The following AUTS2 variants were observed in gnomAD, a reference collection of about 807,000 sequenced individuals.
AUTS2 encodes the protein activator of transcription and developmental regulator AUTS2, also known as autism susceptibility gene 2 protein.
In AUTS2, 17 loss-of-function variants were observed where a neutral mutation model predicts 112.4. The ratio of observed to expected loss-of-function variants is 0.15; its 90% CI spans 0.10 to 0.23. The LOEUF (loss-of-function observed/expected upper bound fraction) is 0.23, where lower values mean the gene tolerates loss of function less well. Among genes scored for constraint, AUTS2 ranks in the 10% least tolerant of loss-of-function variants. The pLI is 1.00. For synonymous variants in AUTS2, 751 were observed against 702.7 expected, an observed-to-expected ratio of 1.07 and a Z score of -1.09; for missense variants, 1,510 against 1,701.6, an observed-to-expected ratio of 0.89 and a Z score of 1.98.
chr7:70,174,875 A>G (rs1050562081), intron 4 of AUTS2, among the ~76,000 whole-genome samples: 2 of 152,212 alleles, frequency 1.3e-5, no homozygotes, highest in African/African-American at 4.8e-5. Flanking sequence ...GGAGTTGTAC[A>G]AGGAGATAAA....
chr7:70,158,986 A>G (rs1807935939), intron 4 of AUTS2, among the ~76,000 whole-genome samples: 1 of 152,182 alleles, frequency 6.6e-6, no homozygotes, highest in African/African-American at 2.4e-5. Flanking sequence ...ACCACAGCAT[A>G]CTTTCAGGAA....
At chr7:69,644,073 TC>T (rs1214951441) in intron 1 of AUTS2, among the ~76,000 whole-genome samples, 1 of 152,222 alleles carries the variant, frequency 6.6e-6, no homozygotes, top group East Asian at 1.9e-4. Flanking sequence ...ATCTTGGATT[TC>T]CAGCCTCCAG....
intron 2 of AUTS2, among the ~76,000 whole-genome samples, chr7:70,079,584 C>G (rs1247509510): frequency 6.6e-6 from 1 of 151,970 alleles, no homozygotes; most frequent in Non-Finnish European, 1.5e-5. Flanking sequence ...AAATTCATCA[C>G]TTCCTTATTA....
chr7:70,057,021 T>C (rs1413575947), intron 2 of AUTS2, among the ~76,000 whole-genome samples: 1 of 152,244 alleles, frequency 6.6e-6, no homozygotes, highest in Non-Finnish European at 1.5e-5. Context: ...TCGTTCCTGT[T>C]TCAAATGCCT....
intron 2 of AUTS2, among the ~76,000 whole-genome samples, chr7:69,910,902 A>AGGCGTGAGCCACTGCACCTGGCCT (rs1237728194): frequency 3.9e-5 from 6 of 152,222 alleles, no homozygotes; most frequent in African/African-American, 1.4e-4. Flanking sequence ...CTGGGATTAC[A>AGGCGTGAGCCACTGCACCTGGCCT]GGCGTGAGCC....
At chr7:69,654,396 G>A (rs921986390) in intron 1 of AUTS2, among the ~76,000 whole-genome samples, 2 of 152,150 alleles carry the variant, frequency 1.3e-5, no homozygotes. Context: ...ACCTTCACAG[G>A]GAGCAGTAAT....
chr7:70,578,468 T>TA (rs1479724475), intron 5 of AUTS2, among the ~76,000 whole-genome samples: 3 of 152,264 alleles, frequency 2.0e-5, no homozygotes, highest in African/African-American at 7.2e-5. Context: ...GAGGTGGCAC[T>TA]AGAAATCACG....
intron 5 of AUTS2, among the ~76,000 whole-genome samples, chr7:70,471,718 A>C (rs1382721212): frequency 6.6e-6 from 1 of 152,064 alleles, no homozygotes; most frequent in African/African-American, 2.4e-5. Context: ...CAGGGAGGGA[A>C]ATACAGTGGG....
intron 5 of AUTS2, among the ~76,000 whole-genome samples, chr7:70,611,652 C>T (rs1168423643): frequency 6.6e-6 from 1 of 152,170 alleles, no homozygotes; most frequent in Non-Finnish European, 1.5e-5. Context: ...ATTTGGAAGC[C>T]GCTTCTTATA....
intron 5 of AUTS2, among the ~76,000 whole-genome samples, chr7:70,554,739 CAG>C (rs1317656742): frequency 1.3e-5 from 2 of 152,154 alleles, no homozygotes; most frequent in Non-Finnish European, 2.9e-5. Flanking sequence ...GGGGGGCAGT[CAG>C]GGGCTATACA....
intron 6 of AUTS2, among the ~76,000 whole-genome samples, chr7:70,737,173 C>T (rs1787823388): frequency 6.6e-6 from 1 of 152,216 alleles, no homozygotes. Flanking sequence ...TGAAAGTAGA[C>T]AGATTTGGGT....
rs554567009 is a variant in AUTS2, at chr7:69,882,081, C to T, written c.310-17205C>T. 5.8e-5 allele frequency among the ~76,000 whole-genome samples: 8 copies of T among 138,748 alleles called. No homozygotes were observed. The South Asian group carries it at 9.1e-4, about 16-fold the overall frequency. The allele number at this position is 138,748 out of a possible 152,430, so 91.0% of individuals were successfully genotyped here. On this transcript the variant is annotated intron_variant, in intron 1 of 18. Transcript: ENST00000342771. ...AGGAGAATCGCTTGAAACTGGGAGA[C>T]GGAAGTTGTAGTGAGCTGAAATCAG...
At chr7:69,691,023 A>G (rs626862) in intron 1 of AUTS2, among the ~76,000 whole-genome samples, 21,761 of 152,186 alleles carry the variant, frequency 0.14, 1,656 homozygotes, top group Non-Finnish European at 0.16. Context: ...AGTGCTTTCC[A>G]TAGTCAGGTT....
At chr7:70,239,833 T>C (rs1812514827) in intron 4 of AUTS2, among the ~76,000 whole-genome samples, 1 of 152,156 alleles carries the variant, frequency 6.6e-6, no homozygotes, top group Non-Finnish European at 1.5e-5. Context: ...GCACACCTAC[T>C]CTCTGTAAGG....
chr7:69,675,486 AG>A (rs1156357601), intron 1 of AUTS2, among the ~76,000 whole-genome samples: 2 of 145,574 alleles, frequency 1.4e-5, no homozygotes, highest in Admixed American at 1.4e-4. Flanking sequence ...ATCATTTCTC[AG>A]GGTGGTTTTG....
In AUTS2 at chr7:70,407,235, ATAGCCAG is replaced by A. The variant is rs529019183; in HGVS notation, c.661-28514_661-28508del. Among the ~76,000 whole-genome samples, 453 of 152,324 alleles carry A rather than the reference ATAGCCAG, an allele frequency of 3.0e-3. 3 individuals carry two copies. Among genetic ancestry groups the A allele is most frequent in the African/African-American group, 0.01 (430 of 41,568 alleles). ...TTGAAGATTTTGGAATCATAATCAG[ATAGCCAG>A]TATTTTCTCTCTCCCCTCAAACCAA... is the stretch of plus-strand genomic sequence containing the variant. On this transcript the variant is annotated intron_variant, in intron 4 of 18. Coordinates refer to ENST00000342771, the MANE Select transcript of AUTS2 (RefSeq NM_015570.4).
chr7:69,631,309 T>C (rs973230506), intron 1 of AUTS2, among the ~76,000 whole-genome samples: 2 of 152,204 alleles, frequency 1.3e-5, no homozygotes. Flanking sequence ...CTGTTGCCAC[T>C]TAAGATGTTT....
intron 5 of AUTS2, among the ~76,000 whole-genome samples, chr7:70,629,299 C>T (rs374087178): frequency 2.0e-5 from 3 of 152,184 alleles, no homozygotes; most frequent in South Asian, 2.1e-4. Flanking sequence ...GGTGAAACCT[C>T]GTCTCTACTA....
At chr7:70,384,057 A>G (rs909167392) in intron 4 of AUTS2, among the ~76,000 whole-genome samples, 4 of 152,244 alleles carry the variant, frequency 2.6e-5, no homozygotes, top group Non-Finnish European at 5.9e-5. Context: ...AAGAAAAACC[A>G]TGAGATTGTT....
Sources: allele counts gnomAD v4.1 joint callset (sites outside exome capture counted in the v4.1 genomes callset), GRCh38; gene constraint gnomAD v4.1.1; transcripts MANE v1.5; gene names NCBI Gene and HGNC (gene_info 2026-07-23, HGNC 2026-07-21).